Variants in SLC22A24 observed in about 807,000 individuals in gnomAD.
The protein encoded by SLC22A24 is steroid transmembrane transporter SLC22A24.
A neutral mutation model predicts 49.8 loss-of-function variants in SLC22A24; 53 were observed. That is an observed-to-expected ratio of 1.06 (90% CI 0.85 to 1.34). The LOEUF (loss-of-function observed/expected upper bound fraction) is 1.34, where lower values mean the gene tolerates loss of function less well. Ranked by LOEUF, SLC22A24 falls within the 40% of genes most tolerant of loss-of-function variation. The probability of loss-of-function intolerance (pLI) is 0.00; values close to 1 mark genes in which losing one functional copy is unlikely to be tolerated. For missense variants in SLC22A24, 786 were observed against 675.9 expected (o/e 1.16, Z -1.81); for synonymous variants, 302 against 256.4 (o/e 1.18, Z -1.70).
intron 6 of SLC22A24, among the ~76,000 whole-genome samples, chr11:63,087,615 G>A (rs1286507920): frequency 6.6e-6 from 1 of 152,202 alleles, no homozygotes; most frequent in Non-Finnish European, 1.5e-5. Context: ...AGGCCATGGA[G>A]CCAGGTGGTC....
chr11:63,136,789 C>T (rs1286514740), intron 1 of SLC22A24, among the ~76,000 whole-genome samples: 1 of 152,190 alleles, frequency 6.6e-6, no homozygotes, highest in Admixed American at 6.5e-5. Context: ...GCAATGGATC[C>T]AGAAGCCAGC....
At chr11:63,107,232 AGAT>A (rs1197688138) in intron 4 of SLC22A24, among the ~76,000 whole-genome samples, 1 of 152,204 alleles carries the variant, frequency 6.6e-6, no homozygotes, top group Admixed American at 6.5e-5. Flanking sequence ...GTCAAAGATC[AGAT>A]GGTTGTAGAT....
At position 63,138,175 on chromosome 11, in the gene SLC22A24, G is replaced by A. The variant is rs942513552; in HGVS notation, c.403-3407C>T. On this transcript the variant is annotated intron_variant, in intron 1 of 9. Transcript: ENST00000612278. The stretch of plus-strand genomic sequence containing the variant: ...ACAAACTTTGCTATGGATCCCTGAA[G>A]CCAATACTGTATGAGATTTCTATGT... Among the ~76,000 whole-genome samples the A allele has an allele frequency of 2.6e-5, 4 of 152,100 alleles. No homozygotes were observed. The East Asian group carries it at 5.8e-4, about 22-fold the overall frequency.
At chr11:63,116,827 A>G (rs2087216097) in intron 4 of SLC22A24, among the ~76,000 whole-genome samples, 1 of 152,104 alleles carries the variant, frequency 6.6e-6, no homozygotes, top group Admixed American at 6.5e-5. Context: ...CTTCAAATTT[A>G]CTGCTTTTTT....
At chr11:63,081,778 A>T in intron 7 of SLC22A24, 112 bp from the exon 8 acceptor site, 1 of 700,324 alleles carries the variant, frequency 1.4e-6, no homozygotes, top group Non-Finnish European at 2.6e-6. Flanking sequence ...TATGTGGTAG[A>T]CAAACTGCAA....
chr11:63,127,937 T>A (rs867839355), intron 2 of SLC22A24, among the ~76,000 whole-genome samples: 3 of 152,138 alleles, frequency 2.0e-5, no homozygotes, highest in African/African-American at 4.8e-5. Flanking sequence ...CTGATGATAG[T>A]TACTTTTGCT....
chr11:63,081,186 A>T, intron 8 of SLC22A24, 63 bp from the exon 9 acceptor site: 3 of 1,380,664 alleles, frequency 2.2e-6, no homozygotes, highest in South Asian at 2.5e-5. Flanking sequence ...GCTCTTTATC[A>T]TCATTATTTC....
At chr11:63,097,913 C>A (rs1212334114) in intron 5 of SLC22A24, among the ~76,000 whole-genome samples, 1 of 151,840 alleles carries the variant, frequency 6.6e-6, no homozygotes, top group Non-Finnish European at 1.5e-5. Context: ...ACACCAGGGC[C>A]TGTTGGGGGA....
intron 6 of SLC22A24, among the ~76,000 whole-genome samples, chr11:63,092,163 C>T (rs187730628): frequency 3.4e-4 from 51 of 151,770 alleles, no homozygotes; most frequent in Middle Eastern, 3.4e-3. Context: ...TTGCTACAAA[C>T]GGAATAAAAT....
chr11:63,101,008 C>T (rs2087087290), intron 5 of SLC22A24, among the ~76,000 whole-genome samples: 1 of 151,986 alleles, frequency 6.6e-6, no homozygotes, highest in Non-Finnish European at 1.5e-5. Context: ...GAGTAATATG[C>T]CAAGCAGAAG....
At chr11:63,094,751 A>T (rs924843726) in intron 6 of SLC22A24, among the ~76,000 whole-genome samples, 1 of 152,050 alleles carries the variant, frequency 6.6e-6, no homozygotes, top group Non-Finnish European at 1.5e-5. Flanking sequence ...GCATTTTTTC[A>T]TGTGTCTTTT....
At chr11:63,087,946 G>A (rs376280520) in intron 6 of SLC22A24, among the ~76,000 whole-genome samples, 2 of 152,318 alleles carry the variant, frequency 1.3e-5, no homozygotes, top group East Asian at 3.9e-4. Flanking sequence ...TTCCCTGGAA[G>A]AGAACACCTG....
chr11:63,137,257 A>G (rs773195577), intron 1 of SLC22A24, among the ~76,000 whole-genome samples: 1 of 152,152 alleles, frequency 6.6e-6, no homozygotes, highest in Non-Finnish European at 1.5e-5. Flanking sequence ...ATAGAAGGAT[A>G]GTTTGGAAGG....
chr11:63,105,849 T>C (rs574910250), intron 4 of SLC22A24, among the ~76,000 whole-genome samples: 1 of 152,288 alleles, frequency 6.6e-6, no homozygotes, highest in Admixed American at 6.5e-5. Flanking sequence ...AATGGGTTTT[T>C]CTTTTCTATC....
Position 63,111,292 on chromosome 11 carries a change from G to T in SLC22A24, c.831-6994C>A, listed in dbSNP as rs191906519. 8.8e-3 allele frequency among the ~76,000 whole-genome samples: 1,340 copies of T among 151,972 alleles called. 13 individuals carry two copies. The highest frequency in any genetic ancestry group is 0.013 in the Non-Finnish European group (905 of 67,944). Reference sequence around the variant, plus strand: ...ATATTTGCATCAATGTTCATCAAGGGTATTGGTCTAAAATTCTCTTTTTTT... The same window carrying T: ...ATATTTGCATCAATGTTCATCAAGGTTATTGGTCTAAAATTCTCTTTTTTT... On this transcript the variant is annotated intron_variant, in intron 4 of 9. Transcript: ENST00000612278.
At chr11:63,107,618 G>A (rs942761060) in intron 4 of SLC22A24, among the ~76,000 whole-genome samples, 5 of 151,994 alleles carry the variant, frequency 3.3e-5, no homozygotes, top group Non-Finnish European at 2.9e-5. Context: ...TTGAGCAGTG[G>A]TTTGCAGTTC....
chr11:63,081,861 AT>A (rs1298689898), intron 7 of SLC22A24, among the ~76,000 whole-genome samples, 195 bp from the exon 8 acceptor site: 1 of 152,248 alleles, frequency 6.6e-6, no homozygotes, highest in Non-Finnish European at 1.5e-5. Context: ...TAAACATTGA[AT>A]AAAGGATCTC....
intron 4 of SLC22A24, among the ~76,000 whole-genome samples, chr11:63,107,292 T>C (rs1209193234): frequency 6.6e-6 from 1 of 152,212 alleles, no homozygotes; most frequent in African/African-American, 2.4e-5. Flanking sequence ...TTGGTCTATA[T>C]CTCTGTTTTG....
chr11:63,106,927 A>T (rs11533259), intron 4 of SLC22A24, among the ~76,000 whole-genome samples: 1 of 152,204 alleles, frequency 6.6e-6, no homozygotes, highest in East Asian at 1.9e-4. Flanking sequence ...GAAGCTCTTT[A>T]GTTTAATTAG....
Sources: gnomAD v4.1 joint callset for allele counts (sites outside exome capture counted in the v4.1 genomes callset) on GRCh38, gnomAD v4.1.1 for gene constraint, MANE v1.5 for transcripts, NCBI Gene and HGNC (gene_info 2026-07-23, HGNC 2026-07-21) for gene names.